Variants in PMFBP1 observed in about 807,000 individuals in gnomAD.
PMFBP1 encodes the protein polyamine modulated factor 1 binding protein 1.
In PMFBP1, 131 loss-of-function variants were observed where a neutral mutation model predicts 137.8. That is an observed-to-expected ratio of 0.95 (90% confidence interval 0.82 to 1.10). The LOEUF is 1.10. Among genes scored for constraint, PMFBP1 ranks in the 50% least tolerant of loss-of-function variants. PMFBP1 has a pLI of 0.00. For synonymous variants in PMFBP1, 490 were observed against 450.4 expected, an observed-to-expected ratio of 1.09 and a Z score of -1.11; for missense variants, 1,199 against 1,175.4, an observed-to-expected ratio of 1.02 and a Z score of -0.29.
At chr16:72,156,338 G>A (rs1176416801) in intron 3 of PMFBP1, among the ~76,000 whole-genome samples, 2 of 151,810 alleles carry the variant, frequency 1.3e-5, no homozygotes, top group African/African-American at 2.4e-5. Flanking sequence ...AGTATTGGAG[G>A]CCGGGCACGG....
upstream of PMFBP1, among the ~76,000 whole-genome samples, chr16:72,175,067 C>T (rs1367131913): frequency 6.6e-6 from 1 of 152,198 alleles, no homozygotes; most frequent in Non-Finnish European, 1.5e-5. Context: ...GTCTCTTAGA[C>T]TTGTCCTATC....
chr16:72,140,649 A>T, intron 5 of PMFBP1, 67 bp from the exon 6 acceptor site: 6 of 1,404,826 alleles, frequency 4.3e-6, no homozygotes, highest in Non-Finnish European at 5.0e-6. Flanking sequence ...AATTCCATGA[A>T]CATGGAAAAT....
In PMFBP1 at chr16:72,171,180, G is replaced by C; in HGVS notation, c.12+17C>G. ...GAATATTCAACTCCATGCATGTAGA[G>C]GAGTTAGGAGCCTTACCTCATCTTT... On this transcript the variant is annotated intron_variant, in intron 2 of 20. Coordinates refer to ENST00000237353, the MANE Select transcript of PMFBP1 (RefSeq NM_031293.3). 1 of 1,613,160 alleles carries C rather than the reference G, an allele frequency of 6.2e-7. No homozygotes were observed. The highest frequency in any genetic ancestry group is 1.1e-5 in the South Asian group (1 of 91,054).
intron 15 of PMFBP1, 35 bp from the exon 16 acceptor site, chr16:72,125,440 A>G (rs2042441515): frequency 6.3e-7 from 1 of 1,599,192 alleles, no homozygotes; most frequent in Admixed American, 1.7e-5. Context: ...AATGGCTGTC[A>G]GAGACTTTGA....
chr16:72,117,238 G>A (rs1047784583), downstream of PMFBP1, among the ~76,000 whole-genome samples: 12 of 126,310 alleles, frequency 9.5e-5, no homozygotes, highest in African/African-American at 4.2e-4. Context: ...TAATTCCCAG[G>A]TATTTGTTTA....
At chr16:72,133,413 A>C (rs777874671) in intron 9 of PMFBP1, among the ~76,000 whole-genome samples, 21 of 152,058 alleles carry the variant, frequency 1.4e-4, no homozygotes, top group Admixed American at 3.3e-4. Context: ...TCCTGACTTC[A>C]AGTAATCCAC....
At chr16:72,144,447 T>C (rs961436626) in intron 5 of PMFBP1, among the ~76,000 whole-genome samples, 1 of 151,984 alleles carries the variant, frequency 6.6e-6, no homozygotes, top group African/African-American at 2.4e-5. Flanking sequence ...ATAAAAAAAA[T>C]ACCGAGTCCA....
chr16:72,118,109 T>C (rs2042326437), downstream of PMFBP1, among the ~76,000 whole-genome samples: 1 of 152,264 alleles, frequency 6.6e-6, no homozygotes, highest in Non-Finnish European at 1.5e-5. Flanking sequence ...TGAAATATTT[T>C]GGTAAATTAT....
the PMFBP1 span, among the ~76,000 whole-genome samples, chr16:72,246,450 C>T: frequency 6.6e-6 from 1 of 152,050 alleles, no homozygotes. Context: ...GGACAAGGCA[C>T]ATAGGTCCTT....
In PMFBP1 at chr16:72,140,490, A is replaced by G. The variant is rs764473098; in HGVS notation, c.729T>C (p.Ser243=). 3 of 1,613,598 alleles carry G rather than the reference A, an allele frequency of 1.9e-6. No homozygotes were observed. The highest frequency in any genetic ancestry group is 2.5e-6 in the Non-Finnish European group (3 of 1,179,508). Reference sequence around the variant, plus strand: ...GTTGAGAGACCTTTTGCCAGACTTCAGACAGTCGTTTCTGAGTCTCCTGAT... The same window carrying G: ...GTTGAGAGACCTTTTGCCAGACTTCGGACAGTCGTTTCTGAGTCTCCTGAT... The part of the protein sequence containing the change: ...QEHQETQKRL[S]EVWQKVSQQD... The change falls in exon 6 of 21, where the codon TCT becomes TCC. Residue 243 remains serine (S), a synonymous_variant. Coordinates refer to ENST00000237353, the MANE Select transcript of PMFBP1 (RefSeq NM_031293.3).
At chr16:72,211,943 G>A in the PMFBP1 span, among the ~76,000 whole-genome samples, 63 of 152,264 alleles carry the variant, frequency 4.1e-4, no homozygotes, top group African/African-American at 1.5e-3. Flanking sequence ...GTTGCAGTGA[G>A]CTGAGATCCT....
chr16:72,185,166 G>C, the PMFBP1 span, among the ~76,000 whole-genome samples: 1 of 152,064 alleles, frequency 6.6e-6, no homozygotes. Flanking sequence ...TGGGATTATG[G>C]CTGTGCACCA....
the PMFBP1 span, among the ~76,000 whole-genome samples, chr16:72,209,025 C>T: frequency 6.6e-5 from 10 of 152,200 alleles, no homozygotes; most frequent in Non-Finnish European, 1.2e-4. Context: ...CATGTTTCAC[C>T]AGCGTGGCTG....
Position 72,139,381 on chromosome 16 carries a change from C to G in PMFBP1, c.826G>C (p.Ala276Pro), listed in dbSNP as rs267604629. 3 of 1,613,888 alleles carry G rather than the reference C, an allele frequency of 1.9e-6. No individual in the cohort carries two copies. The highest frequency in any genetic ancestry group is 1.7e-5 in the Admixed American group (1 of 60,000). The change falls in exon 7 of 21, where the codon GCT becomes CCT. Residue 276 changes from alanine to proline, a missense_variant. Transcript: ENST00000237353. ...SNALVLEREKALIKLQADFAS... is the reference protein window; with the variant it reads ...SNALVLEREKPLIKLQADFAS... The stretch of plus-strand genomic sequence containing the variant: ...AAATCGGCTTGTAGTTTTATCAAAG[C>G]CTTTTCACGCTCCAGAACCTGCAAA...
chr16:72,150,622 C>T lies in PMFBP1; in HGVS notation c.622G>A (p.Gly208Arg), dbSNP rs139218083. ...QVKMLQGELG[G>R]IMGQEPENKG... ...TTAAGTCCTACCTGACCCATGATCCCGCCGAGTTCCCCCTGCAACATCTTC... is the reference window on the plus strand; with the variant it reads ...TTAAGTCCTACCTGACCCATGATCCTGCCGAGTTCCCCCTGCAACATCTTC... The change falls in exon 5 of 21, where the codon GGG (glycine) becomes AGG (arginine). Residue 208 changes from glycine (G) to arginine (R), a missense_variant. Coordinates refer to ENST00000237353, the MANE Select transcript of PMFBP1 (RefSeq NM_031293.3). 1.7e-4 allele frequency: 280 copies of T among 1,612,976 alleles called. No individual in the cohort carries two copies. The highest frequency in any genetic ancestry group is 3.9e-4 in the Middle Eastern group (2 of 5,116).
chr16:72,201,201 A>T, the PMFBP1 span, among the ~76,000 whole-genome samples: 3 of 152,158 alleles, frequency 2.0e-5, no homozygotes, highest in Non-Finnish European at 4.4e-5. Context: ...TCTGATGGGA[A>T]AGCTAAAATT....
At chr16:72,140,728 AT>A (rs1466777560) in intron 5 of PMFBP1, 146 bp from the exon 6 acceptor site, 2 of 710,908 alleles carry the variant, frequency 2.8e-6, no homozygotes, top group Non-Finnish European at 2.3e-6. Context: ...AAAACAAAAA[AT>A]ATTAACTAGT....
intron 3 of PMFBP1, among the ~76,000 whole-genome samples, chr16:72,158,345 A>G (rs973525253): frequency 5.3e-5 from 8 of 152,224 alleles, no homozygotes; most frequent in Non-Finnish European, 2.9e-5. Flanking sequence ...TACTCTGTGT[A>G]GCTATAATTG....
chr16:72,135,740 G>GTTTTTTTTTTTTTTTTTTT (rs869189990), intron 9 of PMFBP1, among the ~76,000 whole-genome samples: 5 of 66,816 alleles, frequency 7.5e-5, no homozygotes, highest in Admixed American at 2.4e-4. Context: ...TAATTTTTCT[G>GTTTTTTTTTTTTTTTTTTT]TTTTTTTTTT....
Sources: gnomAD v4.1 joint callset for allele counts (sites outside exome capture counted in the v4.1 genomes callset) on GRCh38, gnomAD v4.1.1 for gene constraint, MANE v1.5 for transcripts, NCBI Gene and HGNC (gene_info 2026-07-23, HGNC 2026-07-21) for gene names.